Variants in SF3B2 observed in about 807,000 individuals in gnomAD.
The protein encoded by SF3B2 is SAP 145.
Under a neutral mutation model 116.3 loss-of-function variants are expected in SF3B2, and 22 were observed. The ratio of observed to expected loss-of-function variants is 0.19; its 90% CI spans 0.14 to 0.27. The LOEUF (loss-of-function observed/expected upper bound fraction) is 0.27, where lower values mean the gene tolerates loss of function less well. SF3B2 is among the 10% of genes least tolerant of loss of function. SF3B2 has a pLI of 1.00. For synonymous variants in SF3B2, 406 were observed against 421.6 expected (o/e 0.96, Z 0.45); for missense variants, 767 against 1,151.4 (o/e 0.67, Z 4.83).
At chr11:66,054,336 G>A (rs1004842971) in intron 3 of SF3B2, among the ~76,000 whole-genome samples, 1 of 151,968 alleles carries the variant, frequency 6.6e-6, no homozygotes, top group Non-Finnish European at 1.5e-5. Context: ...AATTAGCCGG[G>A]CATGGTGGCA....
At chr11:66,053,826 C>A (rs915514681) in intron 3 of SF3B2, 1 of 152,362 alleles carries the variant, frequency 6.6e-6, no homozygotes. Flanking sequence ...TGTAACAAAC[C>A]TGCGCATACT....
At chr11:66,061,442 C>T (rs1857098829) in intron 14 of SF3B2, among the ~76,000 whole-genome samples, 1 of 152,150 alleles carries the variant, frequency 6.6e-6, no homozygotes, top group Non-Finnish European at 1.5e-5. Context: ...TGTCGAGTGC[C>T]CTCATTTTAC....
At position 66,054,926 on chromosome 11, in the gene SF3B2, A is replaced by G. The variant is rs1406975509; in HGVS notation, c.259-150A>G. 8.6e-6 allele frequency: 6 copies of G among 694,082 alleles called. No individual in the cohort carries two copies. In the African/African-American group the frequency reaches 9.2e-5, roughly 11 times the overall value. The allele number at this position is 694,082 out of a possible 1,614,324, so 43.0% of individuals were successfully genotyped here. ...CAGAAGTTAACATTCTCATATCTTT[A>G]TAGAGCTGTGGAGCATTCTCTCTTA... On this transcript the variant is annotated intron_variant, in intron 3 of 21. Coordinates refer to ENST00000322535, the MANE Select transcript of SF3B2 (RefSeq NM_006842.3).
chr11:66,061,029 CAA>C (rs756824219), intron 14 of SF3B2, among the ~76,000 whole-genome samples: 2 of 152,152 alleles, frequency 1.3e-5, no homozygotes, highest in African/African-American at 2.4e-5. Flanking sequence ...CTCCTGAGCT[CAA>C]GTGATCCACC....
rs556331704 is a variant in SF3B2 at position 66,069,111 on chromosome 11, C to A, written c.*366C>A. The A allele has an allele frequency of 6.1e-5, 22 of 362,764 alleles. No homozygotes were observed. Among genetic ancestry groups the A allele is most frequent in the African/African-American group, 4.6e-4 (22 of 47,746 alleles). The allele number at this position is 362,764 out of a possible 1,614,324, so 22.5% of individuals were successfully genotyped here. ...TTTGTAGGAAGGCTTGGGGGAAGTACCTCTAGGTCTGGTTTGACCTTACTA... is the reference window on the plus strand; with the variant it reads ...TTTGTAGGAAGGCTTGGGGGAAGTAACTCTAGGTCTGGTTTGACCTTACTA... On this transcript the variant is annotated 3_prime_UTR_variant, in exon 22 of 22. Transcript: ENST00000322535.
chr11:66,058,568 G>A, intron 9 of SF3B2, 163 bp downstream of exon 9: 1 of 644,308 alleles, frequency 1.6e-6, no homozygotes, highest in Non-Finnish European at 2.7e-6. Context: ...TGAGTTCCAA[G>A]TACTATACGT....
intron 9 of SF3B2, 98 bp from the exon 10 acceptor site, chr11:66,058,732 G>T: frequency 9.4e-7 from 1 of 1,068,860 alleles, no homozygotes; most frequent in East Asian, 2.5e-5. Context: ...AAGCCTGACT[G>T]TTGAACTGTG....
rs200135986 is a variant in SF3B2, at chr11:66,068,378, C to T, written c.2616+45C>T. 2,528 of 1,502,490 alleles carry T rather than the reference C, an allele frequency of 1.7e-3. 43 individuals are homozygous for T. In the East Asian group the frequency reaches 0.036, roughly 21 times the overall value. The allele number at this position is 1,502,490 out of a possible 1,614,324, so 93.1% of individuals were successfully genotyped here. A position where few individuals can be genotyped will look rare whatever the true frequency, so the allele number is the denominator to read the frequency against. On this transcript the variant is annotated intron_variant, in intron 21 of 21. Coordinates refer to ENST00000322535, the MANE Select transcript of SF3B2 (RefSeq NM_006842.3). ...CTGGGCTGGGTGAGAGCCAGGGACCCTGGCCTGCCGTTTTCAGTGGCATGG... is the reference window on the plus strand; with the variant it reads ...CTGGGCTGGGTGAGAGCCAGGGACCTTGGCCTGCCGTTTTCAGTGGCATGG...
intron 17 of SF3B2, 102 bp downstream of exon 17, chr11:66,063,218 C>A: frequency 9.5e-7 from 1 of 1,056,124 alleles, no homozygotes; most frequent in Non-Finnish European, 1.4e-6. Context: ...TCTGACACAG[C>A]AGAGCCTGGA....
At chr11:66,057,162 C>T (rs1156473783) in intron 6 of SF3B2, 104 bp from the exon 7 acceptor site, 1 of 905,468 alleles carries the variant, frequency 1.1e-6, no homozygotes, top group Non-Finnish European at 1.9e-6. Flanking sequence ...GCCACGTGCC[C>T]TCCTCCCCTG....
At chr11:66,057,148 C>A in intron 6 of SF3B2, 118 bp from the exon 7 acceptor site, 1 of 878,230 alleles carries the variant, frequency 1.1e-6, no homozygotes, top group African/African-American at 1.6e-5. Context: ...ATTCCAAAAG[C>A]CACGCCACGT....
intron 9 of SF3B2, 51 bp from the exon 10 acceptor site, chr11:66,058,779 T>C (rs1408822071): frequency 6.6e-7 from 1 of 1,511,908 alleles, no homozygotes; most frequent in Non-Finnish European, 9.1e-7. Flanking sequence ...GTTGGGGTGC[T>C]GGCACAGTGC....
At chr11:66,057,037 T>A in intron 6 of SF3B2, 82 bp downstream of exon 6, 1 of 1,040,956 alleles carries the variant, frequency 9.6e-7, no homozygotes, top group Non-Finnish European at 1.5e-6. Context: ...CTATCACATT[T>A]AAAAAGGGCA....
chr11:66,062,047 G>A, intron 16 of SF3B2, 49 bp downstream of exon 16: 1 of 1,367,060 alleles, frequency 7.3e-7, no homozygotes, highest in Non-Finnish European at 1.0e-6. Flanking sequence ...CTTTTGAACT[G>A]GAAGGTAATT....
At chr11:66,054,924 T>A (rs1856964625) in intron 3 of SF3B2, 152 bp from the exon 4 acceptor site, 1 of 691,704 alleles carries the variant, frequency 1.4e-6, no homozygotes, top group Admixed American at 2.9e-5. Context: ...TCTCATATCT[T>A]TATAGAGCTG....
rs574978944 is a variant in SF3B2, at chr11:66,064,275, A to G, written c.2330+546A>G. 2.4e-4 allele frequency among the ~76,000 whole-genome samples: 37 copies of G among 152,052 alleles called. No individual in the cohort carries two copies. The South Asian group carries it at 6.9e-3, about 28-fold the overall frequency. On this transcript the variant is annotated intron_variant, in intron 19 of 21. Transcript: ENST00000322535. ...CTTTTGGATTACTTGAACAATTTTT[A>G]TGATTTCATTTTATCTCCAGTGTTG...
chr11:66,062,993 GCTCA>G lies in SF3B2; in HGVS notation c.1978-13_1978-10del, dbSNP rs746172427. Reference sequence around the variant, plus strand: ...TGCAGCTAAGGAGTGAACTGATTGTGCTCACTGTCTTGCAGAGCTGTTCCTTTGG... The same window carrying G: ...TGCAGCTAAGGAGTGAACTGATTGTGCTGTCTTGCAGAGCTGTTCCTTTGG... On this transcript the variant is annotated splice_polypyrimidine_tract_variant and intron_variant, in intron 16 of 21. Transcript: ENST00000322535. 6.9e-6 allele frequency: 11 copies of G among 1,585,110 alleles called. No individual in the cohort carries two copies. The Admixed American group carries it at 1.7e-4, about 24-fold the overall frequency.
Position 66,055,185 on chromosome 11 carries a change from A to C in SF3B2, c.368A>C (p.His123Pro), listed in dbSNP as rs1158263556. The change falls in exon 4 of 22, where the codon CAC becomes CCC. Residue 123 changes from histidine (H) to proline (P), a missense_variant. This residue lies in a region of SF3B2 where 455 missense variants were observed against 537.5 expected (regional missense o/e 0.85). Coordinates refer to ENST00000322535, the MANE Select transcript of SF3B2 (RefSeq NM_006842.3). ...PGLGLGFPMAHPPNLGPPPPL... is the reference protein window; with the variant it reads ...PGLGLGFPMAPPPNLGPPPPL... ...CTTGGCCTTGGCTTTCCTATGGCCC[A>C]CCCACCAAATTTGGGGCCCCCGCCT... 5.1e-6 allele frequency: 8 copies of C among 1,555,354 alleles called. No homozygotes were observed. The South Asian group carries it at 8.9e-5, about 17-fold the overall frequency.
intron 16 of SF3B2, among the ~76,000 whole-genome samples, 200 bp from the exon 17 acceptor site, chr11:66,062,809 T>G (rs1344821282): frequency 6.6e-6 from 1 of 152,244 alleles, no homozygotes; most frequent in Non-Finnish European, 1.5e-5. Context: ...GCCTCCTGTC[T>G]CCTTATCCTG....
Sources: gnomAD v4.1 joint callset for allele counts (sites outside exome capture counted in the v4.1 genomes callset) on GRCh38, gnomAD v4.1.1 for gene constraint, gnomAD v4.1.1 regional missense constraint, MANE v1.5 for transcripts, NCBI Gene and HGNC (gene_info 2026-07-23, HGNC 2026-07-21) for gene names.